Variants in ABCB9 observed in about 807,000 individuals in gnomAD.
ABCB9 encodes the protein ATP binding cassette subfamily B member 9, also known as ABC-type oligopeptide transporter ABCB9.
Under a neutral mutation model 62.0 loss-of-function variants are expected in ABCB9, and 36 were observed. The observed-to-expected ratio is 0.58, with a 90% CI of 0.45 to 0.77. The LOEUF (loss-of-function observed/expected upper bound fraction) is 0.77, where lower values mean the gene tolerates loss of function less well. Among genes scored for constraint, ABCB9 ranks in the 30% least tolerant of loss-of-function variants. The pLI is 0.00. For missense variants in ABCB9, 943 were observed against 1,054.7 expected (o/e 0.89, Z 1.47); for synonymous variants, 435 against 461.4 (o/e 0.94, Z 0.73).
chr12:122,941,616 A>T (rs1406410642), intron 7 of ABCB9, among the ~76,000 whole-genome samples: 2 of 151,510 alleles, frequency 1.3e-5, no homozygotes, highest in Non-Finnish European at 2.9e-5. Flanking sequence ...GCTTGATTTC[A>T]ATTTTCAAAA....
Position 122,947,599 on chromosome 12 carries a change from C to T in ABCB9, c.1053+1025G>A, listed in dbSNP as rs1472673013. 1.1e-5 allele frequency: 4 copies of T among 351,254 alleles called. No homozygotes were observed. The highest frequency in any genetic ancestry group is 5.9e-5 in the South Asian group (3 of 50,498). 21.8% of individuals were successfully genotyped at this position (351,254 alleles called of 1,614,324 possible). On this transcript the variant is annotated intron_variant, in intron 5 of 11. Coordinates refer to ENST00000280560, the MANE Select transcript of ABCB9 (RefSeq NM_019625.4). The surrounding 1 kb of genome is among the most constrained non-coding windows in gnomAD (Gnocchi z 6.0). ...AGGGTCACAGCCCTGCCTGTCTGAA[C>T]CCAGCCTGTCTGTCCCTTAGGGCTC...
At chr12:122,958,084 C>T (rs1387141384) in intron 2 of ABCB9, among the ~76,000 whole-genome samples, 6 of 146,490 alleles carry the variant, frequency 4.1e-5, no homozygotes, top group African/African-American at 1.0e-4. Context: ...GCAGGAGAAT[C>T]GCTTGAACCC....
chr12:122,929,834 G>C lies in ABCB9; in HGVS notation c.*77C>G. 1 of 1,452,980 alleles carries C rather than the reference G, an allele frequency of 6.9e-7. No individual in the cohort carries two copies. The highest frequency in any genetic ancestry group is 9.0e-7 in the Non-Finnish European group (1 of 1,105,522). 90.0% of individuals were successfully genotyped at this position (1,452,980 alleles called of 1,614,324 possible). On this transcript the variant is annotated 3_prime_UTR_variant, in exon 12 of 12. Coordinates refer to ENST00000280560, the MANE Select transcript of ABCB9 (RefSeq NM_019625.4). This position sits in a 1 kb window ranked among gnomAD's most constrained non-coding sequence, Gnocchi z 6.0. ...GCTGCAGGCCTGGGCTCGGAGGGCA[G>C]CTGGGGGCCTCCGTGGGCACATCTG... is the stretch of plus-strand genomic sequence containing the variant.
At chr12:122,933,179 A>C (rs1254251115) in intron 10 of ABCB9, among the ~76,000 whole-genome samples, 1 of 152,220 alleles carries the variant, frequency 6.6e-6, no homozygotes, top group East Asian at 1.9e-4. Flanking sequence ...GACGTGAGCC[A>C]CTGCACCTGG....
chr12:122,961,745 T>C (rs905641546), intron 1 of ABCB9, among the ~76,000 whole-genome samples: 7 of 151,734 alleles, frequency 4.6e-5, no homozygotes, highest in African/African-American at 1.7e-4. Context: ...ATAAGCAGAG[T>C]TTAATAAACA....
At position 122,940,378 on chromosome 12, in the gene ABCB9, C is replaced by T; in HGVS notation, c.1570-94G>A. On this transcript the variant is annotated intron_variant, in intron 8 of 11. Coordinates refer to ENST00000280560, the MANE Select transcript of ABCB9 (RefSeq NM_019625.4). The surrounding 1 kb of genome is among the most constrained non-coding windows in gnomAD (Gnocchi z 4.8). ...GGACACAGGTGGGTGCCCTTCCCAG[C>T]CCACCCCATGTGCCTCTCCCTCGCT... 1 of 1,433,970 alleles carries T rather than the reference C, an allele frequency of 7.0e-7. No individual in the cohort carries two copies. The highest frequency in any genetic ancestry group is 1.4e-5 in the South Asian group (1 of 70,386). 88.8% of individuals were successfully genotyped at this position (1,433,970 alleles called of 1,614,324 possible).
chr12:122,949,321 G>T, intron 4 of ABCB9: 1 of 177,574 alleles, frequency 5.6e-6, no homozygotes, highest in East Asian at 1.5e-4. Context: ...AGAAAACAGA[G>T]GATCAGAGAG....
At chr12:122,969,174 ACCCCC>A (rs56058123), upstream of ABCB9, among the ~76,000 whole-genome samples, 598 of 138,478 alleles carry the variant, frequency 4.3e-3, 10 homozygotes, top group Non-Finnish European at 6.9e-3. Context: ...CATCCTTTCC[ACCCCC>A]CCCCCCCCCC....
At position 122,964,955 on chromosome 12, in the gene ABCB9, G is replaced by A. The variant is rs1290303564; in HGVS notation, c.-88+1332C>T. 3.3e-5 allele frequency among the ~76,000 whole-genome samples: 5 copies of A among 152,172 alleles called. No homozygotes were observed. The highest frequency in any genetic ancestry group is 2.1e-4 in the South Asian group (1 of 4,832). ...TCAGCTGCAGAGAAGGCCAGAAGAC[G>A]ATAGATAGCAGTTATTATGACGCTG... On this transcript the variant is annotated intron_variant, in intron 1 of 11. Transcript: ENST00000280560. The surrounding 1 kb of genome is among the most constrained non-coding windows in gnomAD (Gnocchi z 4.7).
intron 6 of ABCB9, among the ~76,000 whole-genome samples, chr12:122,945,427 G>A (rs1233011258): frequency 1.3e-5 from 2 of 152,076 alleles, no homozygotes; most frequent in Admixed American, 6.5e-5. Context: ...AGACACTGTC[G>A]GGAGTGTGTG....
chr12:122,923,378 C>T (rs1255898659), intron 11 of ABCB9, among the ~76,000 whole-genome samples: 1 of 152,222 alleles, frequency 6.6e-6, no homozygotes, highest in Non-Finnish European at 1.5e-5. Flanking sequence ...AGCTCCGCCT[C>T]CCGGGTTCAC....
rs529301373 is a variant in ABCB9, at chr12:122,946,157, A to T, written c.1119T>A (p.Ser373Arg). The T allele has an allele frequency of 6.2e-7, 1 of 1,614,094 alleles. No homozygotes were observed. Among genetic ancestry groups the T allele is most frequent in the African/African-American group, 1.3e-5 (1 of 75,004 alleles). The change falls in exon 6 of 12, where the codon AGT (serine) becomes AGA (arginine). Residue 373 changes from serine (S) to arginine (R), a missense_variant. Ser to Arg is a moderately radical substitution (Grantham distance 110, BLOSUM62 -1). Coordinates refer to ENST00000280560, the MANE Select transcript of ABCB9 (RefSeq NM_019625.4). ...CGAAGCTCCGGACAGTCTTCATGGC[A>T]CTGATGGTCTCCTCCGCCGTGTTGC... ...RASNTAEETISAMKTVRSFAN... is the reference protein window; with the variant it reads ...RASNTAEETIRAMKTVRSFAN...
At chr12:122,938,888 C>T (rs1438612455) in intron 9 of ABCB9, among the ~76,000 whole-genome samples, 1 of 151,410 alleles carries the variant, frequency 6.6e-6, no homozygotes, top group East Asian at 1.9e-4. Context: ...GGGAAACAAC[C>T]CAGCGAGGCA....
intron 1 of ABCB9, chr12:122,974,525 G>T (rs1453352649): frequency 6.6e-6 from 1 of 152,242 alleles, no homozygotes. Context: ...CTAGCTCAAA[G>T]GTTTAATGCT....
In ABCB9 at chr12:122,960,098, C is replaced by T. The variant is rs764126491; in HGVS notation, c.138G>A (p.Ser46=). Residue 46 remains serine (S), a synonymous_variant, in exon 2 of 12, where the codon TCG becomes TCA. Transcript: ENST00000280560. ...EDIRHFNIFD[S]VLDLWAACLY... ...GGCAGGCTGCCCAGAGATCCAGCAC[C>T]GAGTCAAAGATGTTGAAGTGGCGGA... 39 of 1,613,560 alleles carry T rather than the reference C, an allele frequency of 2.4e-5. No individual in the cohort carries two copies. The highest frequency in any genetic ancestry group is 5.0e-5 in the Admixed American group (3 of 60,024).
chr12:122,950,487 G>A lies in ABCB9; in HGVS notation c.680C>T (p.Thr227Met), dbSNP rs775396358. The change falls in exon 3 of 12, where the codon ACG becomes ATG. Residue 227 changes from threonine to methionine, a missense_variant. Coordinates refer to ENST00000280560, the MANE Select transcript of ABCB9 (RefSeq NM_019625.4). ...VIQKSMDQFS[T>M]AVVIVCLLAI... ...CAGCAGGCACACGATGACGACAGCCGTGCTGAACTGATCCATGCTTTTCTG... is the reference window on the plus strand; with the variant it reads ...CAGCAGGCACACGATGACGACAGCCATGCTGAACTGATCCATGCTTTTCTG... The A allele has an allele frequency of 3.3e-5, 54 of 1,612,928 alleles. No individual in the cohort carries two copies. The highest frequency in any genetic ancestry group is 4.2e-5 in the Non-Finnish European group (50 of 1,179,958).
chr12:122,939,501 G>C (rs2035630263), intron 9 of ABCB9: 1 of 152,678 alleles, frequency 6.5e-6, no homozygotes, highest in African/African-American at 2.4e-5. Context: ...ACATGGCGGG[G>C]GGTAGGAGGC....
At chr12:122,971,366 G>A (rs1187871922), upstream of ABCB9, among the ~76,000 whole-genome samples, 1 of 129,896 alleles carries the variant, frequency 7.7e-6, no homozygotes, top group Admixed American at 8.8e-5. Flanking sequence ...CAGCCTGGGC[G>A]ACAGAGTGAG....
rs745350886 is a variant in ABCB9 at position 122,950,550 on chromosome 12, G to A, written c.617C>T (p.Pro206Leu). Residue 206 changes from proline to leucine, a missense_variant, in exon 3 of 12, where the codon CCC becomes CTC. Transcript: ENST00000280560. ...ATCAATGGCGCGGCCCGTGTAGTAG[G>A]GCAGGAAGGTCTCTCCTGGGGGAGG... ...IVAALGETFL[P>L]YYTGRAIDGI... 11 of 1,612,284 alleles carry A rather than the reference G, an allele frequency of 6.8e-6. No individual in the cohort carries two copies. Among genetic ancestry groups the A allele is most frequent in the Non-Finnish European group, 8.5e-7 (1 of 1,179,884 alleles).
Sources: allele counts gnomAD v4.1 joint callset (sites outside exome capture counted in the v4.1 genomes callset), GRCh38; gene constraint gnomAD v4.1.1; non-coding constraint Gnocchi (gnomAD v3.1); transcripts MANE v1.5; gene names NCBI Gene and HGNC (gene_info 2026-07-23, HGNC 2026-07-21).